Variants in ANKFN1 observed in about 807,000 individuals in gnomAD.
ANKFN1 encodes the protein ankyrin repeat and fibronectin type III domain containing 1.
Under a neutral mutation model 108.7 loss-of-function variants are expected in ANKFN1, and 74 were observed. That is an observed-to-expected ratio of 0.68 (90% confidence interval 0.56 to 0.83). ANKFN1 has a LOEUF of 0.83. Among genes scored for constraint, ANKFN1 ranks in the 40% least tolerant of loss-of-function variants. The pLI is 0.00. For synonymous variants in ANKFN1, 547 were observed against 516.2 expected (o/e 1.06, Z -0.81); for missense variants, 1,505 against 1,382.3 (o/e 1.09, Z -1.41).
intron 8 of ANKFN1, among the ~76,000 whole-genome samples, chr17:56,435,753 T>C (rs1366854554): frequency 6.6e-6 from 1 of 151,964 alleles, no homozygotes; most frequent in African/African-American, 2.4e-5. Flanking sequence ...GAGGTGTTTT[T>C]TTTTTGATCA....
chr17:56,079,881 C>G (rs1297212598), intron 4 of ANKFN1, among the ~76,000 whole-genome samples: 1 of 152,064 alleles, frequency 6.6e-6, no homozygotes, highest in Non-Finnish European at 1.5e-5. Context: ...GGGAGGTACT[C>G]TCAATAGGCT....
At chr17:56,421,495 G>A (rs923863105) in intron 8 of ANKFN1, among the ~76,000 whole-genome samples, 1 of 152,166 alleles carries the variant, frequency 6.6e-6, no homozygotes, top group Non-Finnish European at 1.5e-5. Flanking sequence ...GGCTCTAAAC[G>A]CTGATACTAA....
intron 8 of ANKFN1, among the ~76,000 whole-genome samples, chr17:56,398,040 G>T (rs904243659): frequency 6.6e-6 from 1 of 152,106 alleles, no homozygotes; most frequent in African/African-American, 2.4e-5. Flanking sequence ...TCTTCCTGTT[G>T]TATTCTTTCA....
intron 3 of ANKFN1, among the ~76,000 whole-genome samples, chr17:56,267,954 A>G (rs2043696764): frequency 6.6e-6 from 1 of 152,152 alleles, no homozygotes; most frequent in South Asian, 2.1e-4. Context: ...TGATAGAAAT[A>G]GCGCTGAATC....
chr17:56,388,400 A>G (rs1598506477), intron 8 of ANKFN1, among the ~76,000 whole-genome samples: 1 of 151,736 alleles, frequency 6.6e-6, no homozygotes, highest in African/African-American at 2.4e-5. Flanking sequence ...CCAAAGTGCT[A>G]GGATTACAGG....
chr17:56,058,841 G>T lies in ANKFN1; in HGVS notation c.288+12516G>T, dbSNP rs199536977. 4.6e-5 allele frequency among the ~76,000 whole-genome samples: 7 copies of T among 152,264 alleles called. No homozygotes were observed. In the East Asian group the frequency reaches 1.2e-3, roughly 25 times the overall value. ...TCTTTACCCAGTCTATCATTGATGG[G>T]CATTTGGGTTGGTTCCATGACTTTG... On this transcript the variant is annotated intron_variant, in intron 4 of 12. Transcript: ENST00000635860.
intron 4 of ANKFN1, among the ~76,000 whole-genome samples, chr17:56,048,943 T>G (rs1304829866): frequency 6.6e-6 from 1 of 152,104 alleles, no homozygotes; most frequent in Non-Finnish European, 1.5e-5. Context: ...GCAAAGGTAA[T>G]CAGGGGAAAA....
chr17:56,340,256 C>G (rs2045926222), intron 4 of ANKFN1, among the ~76,000 whole-genome samples: 2 of 152,052 alleles, frequency 1.3e-5, no homozygotes, highest in Admixed American at 6.6e-5. Flanking sequence ...TGTAAGTTGT[C>G]TGTTTACTGT....
At chr17:56,191,941 C>T (rs1260361977) in intron 1 of ANKFN1, among the ~76,000 whole-genome samples, 2 of 151,678 alleles carry the variant, frequency 1.3e-5, no homozygotes, top group African/African-American at 4.8e-5. Context: ...CTATACTTCC[C>T]TTCTCGCTTC....
chr17:56,486,226 T>C (rs1300315838), intron 18 of ANKFN1, among the ~76,000 whole-genome samples: 1 of 152,228 alleles, frequency 6.6e-6, no homozygotes, highest in Non-Finnish European at 1.5e-5. Context: ...CTTGTTGCCA[T>C]ATCATTGGTA....
chr17:56,209,792 A>G (rs773046113), intron 1 of ANKFN1, among the ~76,000 whole-genome samples: 8 of 152,014 alleles, frequency 5.3e-5, no homozygotes, highest in East Asian at 1.9e-4. Flanking sequence ...ACTGTACCCA[A>G]TGTGTAGTCT....
At chr17:56,344,546 G>A (rs1316963537) in intron 4 of ANKFN1, among the ~76,000 whole-genome samples, 3 of 151,918 alleles carry the variant, frequency 2.0e-5, no homozygotes, top group Admixed American at 2.0e-4. Context: ...TCCCTGCCCT[G>A]TAGTCTGTTA....
intron 8 of ANKFN1, among the ~76,000 whole-genome samples, chr17:56,430,370 G>A (rs900204450): frequency 5.3e-5 from 8 of 152,012 alleles, no homozygotes; most frequent in African/African-American, 1.2e-4. Context: ...CGGGGCAGTC[G>A]GATGGGGAGA....
At chr17:56,146,719 T>C (rs961419947) in intron 4 of ANKFN1, among the ~76,000 whole-genome samples, 6 of 152,156 alleles carry the variant, frequency 3.9e-5, no homozygotes, top group Admixed American at 6.5e-5. Flanking sequence ...CCCTGGGCCC[T>C]GGGCCAGGAA....
intron 4 of ANKFN1, among the ~76,000 whole-genome samples, chr17:56,132,770 G>A (rs1907360298): frequency 6.6e-6 from 1 of 152,118 alleles, no homozygotes; most frequent in Non-Finnish European, 1.5e-5. Context: ...GTCCTCACAT[G>A]GTGGAAGGGT....
rs190307776 is a variant in ANKFN1 at position 56,455,326 on chromosome 17, G to T, written c.1208-1535G>T. ...ATGTTCACTCTTCCATATTTAACTG[G>T]AAGTCCCAGCAGCATTATTTCCAAG... On this transcript the variant is annotated intron_variant, in intron 11 of 20. Transcript: ENST00000682825. Among the ~76,000 whole-genome samples, 428 of 152,292 alleles carry T rather than the reference G, an allele frequency of 2.8e-3. 1 individual carries two copies. Among genetic ancestry groups the T allele is most frequent in the Non-Finnish European group, 4.6e-3 (311 of 68,032 alleles).
chr17:56,132,696 G>A (rs1257582844), intron 4 of ANKFN1, among the ~76,000 whole-genome samples: 4 of 152,084 alleles, frequency 2.6e-5, no homozygotes, highest in Non-Finnish European at 5.9e-5. Flanking sequence ...AGATTAAGAT[G>A]CCTGTAGATT....
intron 5 of ANKFN1, among the ~76,000 whole-genome samples, chr17:56,352,231 GGT>G (rs1235861777): frequency 6.6e-6 from 1 of 152,006 alleles, no homozygotes; most frequent in Non-Finnish European, 1.5e-5. Context: ...TTATTCCCTG[GGT>G]CCCCATTGTC....
intron 1 of ANKFN1, among the ~76,000 whole-genome samples, chr17:56,188,741 T>C (rs1912554011): frequency 1.3e-5 from 2 of 151,526 alleles, no homozygotes; most frequent in African/African-American, 4.9e-5. Context: ...TGACCTGGTC[T>C]TTGACACAGA....
Sources: gnomAD v4.1 joint callset for allele counts (sites outside exome capture counted in the v4.1 genomes callset) on GRCh38, gnomAD v4.1.1 for gene constraint, MANE v1.5 for transcripts, NCBI Gene and HGNC (gene_info 2026-07-23, HGNC 2026-07-21) for gene names.